ARHGEF10: variants seen among roughly 807,000 people sequenced by gnomAD.
ARHGEF10 encodes the protein Rho guanine nucleotide exchange factor (GEF) 10.
In ARHGEF10, 140 loss-of-function variants were observed where a neutral mutation model predicts 147.4. That is an observed-to-expected ratio of 0.95 (90% confidence interval 0.83 to 1.09). ARHGEF10 has a LOEUF of 1.09. ARHGEF10 is among the 50% of genes least tolerant of loss of function. ARHGEF10 has a pLI of 0.00. For missense variants in ARHGEF10, 2,222 were observed against 1,752.7 expected (o/e 1.27, Z -4.78); for synonymous variants, 902 against 695.8 (o/e 1.30, Z -4.67).
In ARHGEF10 at chr8:1,866,602, A is replaced by G. The variant is rs753735997; in HGVS notation, c.622A>G (p.Asn208Asp). Residue 208 changes from asparagine (N) to aspartate (D), a missense_variant and splice_region_variant, in exon 6 of 29, where the codon AAT becomes GAT. Asn to Asp is a conservative substitution (Grantham distance 23, BLOSUM62 1). Transcript: ENST00000349830. ...CCCGGCCAACACAGCCTGGATGGAG[A>G]GTAAGTTCCCCAGCTGCCCACAGCC... is the stretch of plus-strand genomic sequence containing the variant. Reference protein sequence around the residue: ...ADPANTAWMENPEEAIYDDVP... With the variant: ...ADPANTAWMEDPEEAIYDDVP... 3 of 1,604,490 alleles carry G rather than the reference A, an allele frequency of 1.9e-6. No homozygotes were observed. Among genetic ancestry groups the G allele is most frequent in the Non-Finnish European group, 2.5e-6 (3 of 1,179,938 alleles).
chr8:1,936,450 C>T (rs1421219577), intron 26 of ARHGEF10, among the ~76,000 whole-genome samples: 1 of 152,128 alleles, frequency 6.6e-6, no homozygotes, highest in East Asian at 1.9e-4. Context: ...GCTGAGGCTG[C>T]AGTGAGCCAA....
At chr8:1,901,963 A>G (rs1440847479) in intron 15 of ARHGEF10, among the ~76,000 whole-genome samples, 2 of 147,056 alleles carry the variant, frequency 1.4e-5, no homozygotes, top group African/African-American at 5.0e-5. Context: ...CATGTCAAAG[A>G]TGGTAGGCAA....
At chr8:1,923,185 C>A in intron 19 of ARHGEF10, 106 bp downstream of exon 19, 2 of 970,668 alleles carry the variant, frequency 2.1e-6, no homozygotes, top group Non-Finnish European at 3.1e-6. Flanking sequence ...TTCATTTTGA[C>A]TTTAAAAATT....
intron 17 of ARHGEF10, 105 bp from the exon 18 acceptor site, chr8:1,909,190 C>T: frequency 2.7e-6 from 4 of 1,469,382 alleles, no homozygotes; most frequent in Non-Finnish European, 3.8e-6. Context: ...TGAAGAGTTA[C>T]AATTCAGCAG....
intron 18 of ARHGEF10, among the ~76,000 whole-genome samples, chr8:1,921,089 C>T (rs535609723): frequency 1.3e-5 from 2 of 152,204 alleles, no homozygotes; most frequent in South Asian, 4.1e-4. Context: ...CCTGGCCGCT[C>T]CCTTTGTTAC....
At chr8:1,876,200 T>C in intron 7 of ARHGEF10, 1 of 304,004 alleles carries the variant, frequency 3.3e-6, no homozygotes, top group Non-Finnish European at 6.3e-6. Flanking sequence ...CTGTCTAATT[T>C]TCAAAACATC....
intron 18 of ARHGEF10, among the ~76,000 whole-genome samples, chr8:1,919,882 T>TG (rs1223442880): frequency 3.7e-5 from 5 of 136,758 alleles, no homozygotes; most frequent in African/African-American, 5.6e-5. Context: ...CTGTGGGTGA[T>TG]GAGCTGTTCT....
At chr8:1,893,367 T>A (rs1409956278) in intron 11 of ARHGEF10, among the ~76,000 whole-genome samples, 2 of 152,194 alleles carry the variant, frequency 1.3e-5, no homozygotes, top group African/African-American at 4.8e-5. Flanking sequence ...AGTTCATAGT[T>A]TGAGGTTTAA....
Position 1,880,089 on chromosome 8 carries a change from A to G in ARHGEF10, c.885A>G (p.Lys295=), listed in dbSNP as rs762027737. The stretch of plus-strand genomic sequence containing the variant: ...CCCGTTTAAAGGAGCACTATGAGAA[A>G]AAGATGAGAGATTTGATGGCAAGCA... ...DLTRLKEHYE[K]KMRDLMASTV... The change falls in exon 9 of 29, where the codon AAA becomes AAG. Residue 295 remains lysine, a synonymous_variant. Transcript: ENST00000349830. The G allele has an allele frequency of 3.1e-6, 5 of 1,614,194 alleles. No homozygotes were observed. The highest frequency in any genetic ancestry group is 1.7e-5 in the Admixed American group (1 of 60,028).
At chr8:1,931,140 A>G (rs1396230789) in intron 25 of ARHGEF10, among the ~76,000 whole-genome samples, 1 of 152,128 alleles carries the variant, frequency 6.6e-6, no homozygotes, top group African/African-American at 2.4e-5. Flanking sequence ...TCTCTGCTCC[A>G]CGGTAGGCGG....
chr8:1,830,788 C>T (rs760576655), intron 1 of ARHGEF10, among the ~76,000 whole-genome samples: 17 of 152,172 alleles, frequency 1.1e-4, no homozygotes, highest in Non-Finnish European at 2.2e-4. Flanking sequence ...AAGGCATACA[C>T]GGGGCTACAA....
chr8:1,940,002 A>G (rs1054114388), intron 26 of ARHGEF10, among the ~76,000 whole-genome samples: 9 of 152,208 alleles, frequency 5.9e-5, no homozygotes, highest in African/African-American at 2.2e-4. Context: ...TCAGAAGAGT[A>G]TTTTGCCAGC....
At position 1,890,289 on chromosome 8, in the gene ARHGEF10, G is replaced by T. The variant is rs527478845; in HGVS notation, c.1183-3280G>T. 1.2e-4 allele frequency among the ~76,000 whole-genome samples: 18 copies of T among 148,592 alleles called. 1 individual carries two copies. Among genetic ancestry groups the T allele is most frequent in the African/African-American group, 4.3e-4 (17 of 39,754 alleles). On this transcript the variant is annotated intron_variant, in intron 11 of 28. Transcript: ENST00000349830. ...GTGAGGAGACATTGAGTGGGGTGAGGGTTCTGAGGAGACACTGATGGGGTG... is the reference window on the plus strand; with the variant it reads ...GTGAGGAGACATTGAGTGGGGTGAGTGTTCTGAGGAGACACTGATGGGGTG...
chr8:1,843,730 G>A (rs1014728661), intron 2 of ARHGEF10, among the ~76,000 whole-genome samples: 3 of 152,172 alleles, frequency 2.0e-5, no homozygotes, highest in African/African-American at 7.2e-5. Flanking sequence ...TGATGCAATC[G>A]GAGATGGAGC....
At chr8:1,838,335 C>T (rs762800906) in intron 1 of ARHGEF10, among the ~76,000 whole-genome samples, 1 of 152,258 alleles carries the variant, frequency 6.6e-6, no homozygotes, top group Admixed American at 6.5e-5. Flanking sequence ...GGGAGATGCT[C>T]CAGCCATGGA....
intron 2 of ARHGEF10, among the ~76,000 whole-genome samples, chr8:1,845,929 A>G (rs1307703129): frequency 1.3e-5 from 2 of 152,312 alleles, no homozygotes; most frequent in African/African-American, 2.4e-5. Context: ...GGGTGTCTCC[A>G]TAGCCCCTCC....
Position 1,882,700 on chromosome 8 carries a change from C to T in ARHGEF10, c.1026C>T (p.Ala342=), listed in dbSNP as rs200618658. The T allele has an allele frequency of 4.6e-5, 71 of 1,556,950 alleles. No individual in the cohort carries two copies. In the East Asian group the frequency reaches 1.2e-3, roughly 27 times the overall value. ...ACGGGCTGGAGAGGACCAGGGCAGC[C>T]GTGAAGAGGGGCCGCTCCTTCATCA... ...TKDGLERTRA[A]VKRGRSFIRT... Residue 342 remains alanine, a synonymous_variant, in exon 10 of 29, where the codon GCC becomes GCT. Coordinates refer to ENST00000349830, the MANE Select transcript of ARHGEF10 (RefSeq NM_014629.4).
chr8:1,933,546 T>TA (rs1026089037), intron 25 of ARHGEF10, among the ~76,000 whole-genome samples: 2 of 62,856 alleles, frequency 3.2e-5, no homozygotes, highest in Non-Finnish European at 3.0e-5. Flanking sequence ...ATGGAGGGGA[T>TA]AGGCAGGGGG....
intron 13 of ARHGEF10, 49 bp downstream of exon 13, chr8:1,894,621 G>T: frequency 6.3e-7 from 1 of 1,593,086 alleles, no homozygotes; most frequent in Non-Finnish European, 8.6e-7. Flanking sequence ...CCATGCACCT[G>T]TCCTCTCTTC....
Sources: gnomAD v4.1 joint callset for allele counts (sites outside exome capture counted in the v4.1 genomes callset) on GRCh38, gnomAD v4.1.1 for gene constraint, MANE v1.5 for transcripts, NCBI Gene and HGNC (gene_info 2026-07-23, HGNC 2026-07-21) for gene names.